Variants in CX3CL1 observed in about 807,000 individuals in gnomAD.
The protein encoded by CX3CL1 is C-X3-C motif chemokine ligand 1.
Under a neutral mutation model 14.1 loss-of-function variants are expected in CX3CL1, and 1 was observed. That is an observed-to-expected ratio of 0.07 (90% CI 0.03 to 0.34). The LOEUF (loss-of-function observed/expected upper bound fraction) is 0.34, where lower values mean the gene tolerates loss of function less well. CX3CL1 is among the 10% of genes least tolerant of loss of function. The probability of loss-of-function intolerance (pLI) is 0.99; values close to 1 mark genes in which losing one functional copy is unlikely to be tolerated. For missense variants in CX3CL1, 505 were observed against 536.4 expected, an observed-to-expected ratio of 0.94 and a Z score of 0.58; for synonymous variants, 255 against 229.6, an observed-to-expected ratio of 1.11 and a Z score of -1.00.
rs1397747882 is a variant in CX3CL1, at chr16:57,383,165, A to T, written c.*133A>T. ...GGGGGAGGTGGGATCCTCCAGGTGC[A>T]CAAGCTCCAAGCTCCCAGGCATTCC... On this transcript the variant is annotated 3_prime_UTR_variant, in exon 3 of 3. Transcript: ENST00000006053. 2 of 807,464 alleles carry T rather than the reference A, an allele frequency of 2.5e-6. No individual in the cohort carries two copies. The highest frequency in any genetic ancestry group is 3.5e-6 in the Non-Finnish European group (2 of 576,630). The allele number at this position is 807,464 out of a possible 1,614,324, so 50.0% of individuals were successfully genotyped here.
At chr16:57,378,243 T>C (rs1902270962) in intron 1 of CX3CL1, 2 of 152,192 alleles carry the variant, frequency 1.3e-5, no homozygotes, top group Non-Finnish European at 2.9e-5. Context: ...AAAGCAGTTG[T>C]ACTTATATAT....
At chr16:57,375,815 T>C (rs1902237900) in intron 1 of CX3CL1, among the ~76,000 whole-genome samples, 3 of 152,124 alleles carry the variant, frequency 2.0e-5, no homozygotes, top group African/African-American at 7.2e-5. Flanking sequence ...CCCTGACCAT[T>C]TGAAGTTGGA....
In CX3CL1 at chr16:57,383,141, G is replaced by C. The variant is rs539298945; in HGVS notation, c.*109G>C. On this transcript the variant is annotated 3_prime_UTR_variant, in exon 3 of 3. Transcript: ENST00000006053. ...TGGCCTGAGCTGGGATGATTGGAGGGGGGAGGTGGGATCCTCCAGGTGCAC... is the reference window on the plus strand; with the variant it reads ...TGGCCTGAGCTGGGATGATTGGAGGCGGGAGGTGGGATCCTCCAGGTGCAC... The C allele has an allele frequency of 2.0e-4, 214 of 1,053,446 alleles. 3 individuals carry two copies. In the South Asian group the frequency reaches 3.1e-3, roughly 15 times the overall value. 65.3% of individuals were successfully genotyped at this position (1,053,446 alleles called of 1,614,324 possible).
rs1902379341 is a variant in CX3CL1 at position 57,384,176 on chromosome 16, A to C, written c.*1144A>C. The C allele has an allele frequency of 6.6e-6, 1 of 152,264 alleles. No homozygotes were observed. 9.4% of individuals were successfully genotyped at this position (152,264 alleles called of 1,614,324 possible). On this transcript the variant is annotated 3_prime_UTR_variant, in exon 3 of 3. Transcript: ENST00000006053. Reference sequence around the variant, plus strand: ...CAGGCCACAAGACCCTTGTGGTCCCACCCCACACACGCCAGATTCTTTCCT... The same window carrying C: ...CAGGCCACAAGACCCTTGTGGTCCCCCCCCACACACGCCAGATTCTTTCCT...
intron 1 of CX3CL1, among the ~76,000 whole-genome samples, chr16:57,373,181 A>C (rs1162403979): frequency 3.3e-5 from 5 of 152,158 alleles, no homozygotes; most frequent in African/African-American, 1.2e-4. Flanking sequence ...CTGCTGTGCT[A>C]GTCTATAGCC....
chr16:57,375,862 T>C, intron 1 of CX3CL1, among the ~76,000 whole-genome samples: 1 of 152,208 alleles, frequency 6.6e-6, no homozygotes, highest in Non-Finnish European at 1.5e-5. Context: ...AATATGTTTG[T>C]GGTATGTTCT....
At position 57,372,597 on chromosome 16, in the gene CX3CL1, T is replaced by G. The variant is rs748595033; in HGVS notation, c.29T>G (p.Leu10Arg). The G allele has an allele frequency of 6.2e-7, 1 of 1,613,412 alleles. No homozygotes were observed. Among genetic ancestry groups the G allele is most frequent in the Non-Finnish European group, 8.5e-7 (1 of 1,179,980 alleles). MAPISLSWL[L>R]RLATFCHLTV... ...GCTCCGATATCTCTGTCGTGGCTGC[T>G]CCGCTTGGCCACCTTCTGCCATCTG... is the stretch of plus-strand genomic sequence containing the variant. The change falls in exon 1 of 3, where the codon CTC becomes CGC. Residue 10 changes from leucine (L) to arginine (R), a missense_variant. Physicochemically the swap from Leu to Arg is moderately radical, Grantham distance 102 (BLOSUM62 -2). Coordinates refer to ENST00000006053, the MANE Select transcript of CX3CL1 (RefSeq NM_002996.6).
At chr16:57,376,572 G>A (rs1252456978) in intron 1 of CX3CL1, among the ~76,000 whole-genome samples, 3 of 151,534 alleles carry the variant, frequency 2.0e-5, no homozygotes. Context: ...GGATGGGGAG[G>A]GGATGATGAG....
intron 1 of CX3CL1, chr16:57,377,007 C>T (rs1399874182): frequency 6.6e-6 from 1 of 152,204 alleles, no homozygotes; most frequent in Admixed American, 6.5e-5. Context: ...ATCTTCCTGG[C>T]AGAACCAAGA....
In CX3CL1 at chr16:57,385,036, T is replaced by C. The variant is rs1902393977; in HGVS notation, c.*2004T>C. On this transcript the variant is annotated 3_prime_UTR_variant, in exon 3 of 3. Coordinates refer to ENST00000006053, the MANE Select transcript of CX3CL1 (RefSeq NM_002996.6). ...GTATTTTACTAATAAAATTTAAAAG[T>C]CTTGTGAATCAATATGGGTGATTTC... The C allele has an allele frequency of 6.6e-6, 1 of 152,108 alleles. No homozygotes were observed. The highest frequency in any genetic ancestry group is 2.4e-5 in the African/African-American group (1 of 41,412). The allele number at this position is 152,108 out of a possible 1,614,324, so 9.4% of individuals were successfully genotyped here.
chr16:57,384,684 T>G lies in CX3CL1; in HGVS notation c.*1652T>G, dbSNP rs1369546674. ...TGCCCACCTGGCCTCTGCACTCCCC[T>G]GCTGGGTGTGGCGCAGCATATTCAG... On this transcript the variant is annotated 3_prime_UTR_variant, in exon 3 of 3. Transcript: ENST00000006053. 2.0e-5 allele frequency: 3 copies of G among 152,620 alleles called. No individual in the cohort carries two copies. Among genetic ancestry groups the G allele is most frequent in the African/African-American group, 7.2e-5 (3 of 41,474 alleles). 9.5% of individuals were successfully genotyped at this position (152,620 alleles called of 1,614,324 possible). A position where few individuals can be genotyped will look rare whatever the true frequency, so the allele number is the denominator to read the frequency against.
In CX3CL1 at chr16:57,383,333, T is replaced by C. The variant is rs553358003; in HGVS notation, c.*301T>C. ...CCATCCCAGCCCCAATGAACAATTA[T>C]TTATTAAATGCCCAGCCCCTTCTGA... On this transcript the variant is annotated 3_prime_UTR_variant, in exon 3 of 3. Transcript: ENST00000006053. 7.2e-5 allele frequency: 20 copies of C among 278,556 alleles called. No homozygotes were observed. The highest frequency in any genetic ancestry group is 4.1e-4 in the African/African-American group (19 of 46,036). 17.3% of individuals were successfully genotyped at this position (278,556 alleles called of 1,614,324 possible). A position where few individuals can be genotyped will look rare whatever the true frequency, so the allele number is the denominator to read the frequency against.
rs759134423 is a variant in CX3CL1, at chr16:57,382,802, C to G, written c.964C>G (p.Gln322Glu). ...ACCCATCCATGCCACCATGGACCCC[C>G]AGAGGCTGGGCGTCCTTATCACTCC... ...EEPIHATMDP[Q>E]RLGVLITPVP... Residue 322 changes from glutamine to glutamate, a missense_variant, in exon 3 of 3, where the codon CAG (glutamine) becomes GAG (glutamate). Gln to Glu is a conservative substitution (Grantham distance 29). Coordinates refer to ENST00000006053, the MANE Select transcript of CX3CL1 (RefSeq NM_002996.6). The surrounding 1 kb of genome is among the most constrained non-coding windows in gnomAD (Gnocchi z 6.9). 2.5e-6 allele frequency: 4 copies of G among 1,603,304 alleles called. No homozygotes were observed. The highest frequency in any genetic ancestry group is 3.4e-6 in the Non-Finnish European group (4 of 1,174,244).
chr16:57,373,072 T>G (rs1341769618), intron 1 of CX3CL1, among the ~76,000 whole-genome samples: 4 of 152,062 alleles, frequency 2.6e-5, no homozygotes, highest in African/African-American at 9.7e-5. Context: ...CAGGCCACAG[T>G]TGGGACTTTC....
At chr16:57,376,116 TA>T (rs1361080736) in intron 1 of CX3CL1, among the ~76,000 whole-genome samples, 3 of 151,980 alleles carry the variant, frequency 2.0e-5, no homozygotes, top group Admixed American at 6.6e-5. Flanking sequence ...GGTGTTCAAT[TA>T]AAAAAAATAA....
At chr16:57,373,644 G>T (rs1183398242) in intron 1 of CX3CL1, among the ~76,000 whole-genome samples, 1 of 152,162 alleles carries the variant, frequency 6.6e-6, no homozygotes, top group African/African-American at 2.4e-5. Context: ...CAGGTGTGTG[G>T]GTGGGTGGGC....
Position 57,384,693 on chromosome 16 carries a change from T to C in CX3CL1, c.*1661T>C, listed in dbSNP as rs560043145. The C allele has an allele frequency of 6.6e-6, 1 of 152,584 alleles. No homozygotes were observed. The highest frequency in any genetic ancestry group is 2.4e-5 in the African/African-American group (1 of 41,572). 9.5% of individuals were successfully genotyped at this position (152,584 alleles called of 1,614,324 possible). On this transcript the variant is annotated 3_prime_UTR_variant, in exon 3 of 3. Coordinates refer to ENST00000006053, the MANE Select transcript of CX3CL1 (RefSeq NM_002996.6). ...GGCCTCTGCACTCCCCTGCTGGGTGTGGCGCAGCATATTCAGGAAGCTCAG... is the reference window on the plus strand; with the variant it reads ...GGCCTCTGCACTCCCCTGCTGGGTGCGGCGCAGCATATTCAGGAAGCTCAG...
At chr16:57,378,729 G>T (rs867896575) in intron 1 of CX3CL1, 1 of 152,120 alleles carries the variant, frequency 6.6e-6, no homozygotes, top group African/African-American at 2.4e-5. Flanking sequence ...CTCCCAAAGT[G>T]CTGGGATTAC....
chr16:57,382,178 A>G lies in CX3CL1; in HGVS notation c.340A>G (p.Thr114Ala). The change falls in exon 3 of 3, where the codon ACC becomes GCC. Residue 114 changes from threonine to alanine, a missense_variant. Physicochemically the swap from Thr to Ala is moderately conservative, Grantham distance 58 (BLOSUM62 0). Transcript: ENST00000006053. This position sits in a 1 kb window ranked among gnomAD's most constrained non-coding sequence, Gnocchi z 6.9. ...EKQIGEVKPR[T>A]TPAAGGMDES... The stretch of plus-strand genomic sequence containing the variant: ...GCAGATCGGCGAGGTGAAGCCCAGG[A>G]CCACCCCTGCCGCCGGGGGAATGGA... 1 of 1,613,450 alleles carries G rather than the reference A, an allele frequency of 6.2e-7. No individual in the cohort carries two copies. Among genetic ancestry groups the G allele is most frequent in the Non-Finnish European group, 8.5e-7 (1 of 1,179,860 alleles).
Sources: allele counts gnomAD v4.1 joint callset (sites outside exome capture counted in the v4.1 genomes callset), GRCh38; gene constraint gnomAD v4.1.1; non-coding constraint Gnocchi (gnomAD v3.1); transcripts MANE v1.5; gene names NCBI Gene and HGNC (gene_info 2026-07-23, HGNC 2026-07-21).